Variants in BDP1 observed in about 807,000 individuals in gnomAD.
BDP1 encodes BDP1 general transcription factor IIIB subunit, also known as transcription factor TFIIIB component B'' homolog.
A neutral mutation model predicts 266.6 loss-of-function variants in BDP1; 169 were observed. The ratio of observed to expected loss-of-function variants is 0.63; its 90% CI spans 0.56 to 0.72. The LOEUF (loss-of-function observed/expected upper bound fraction) is 0.72, where lower values mean the gene tolerates loss of function less well. BDP1 is among the 30% of genes least tolerant of loss of function. BDP1 has a pLI of 0.00. For missense variants in BDP1, 3,015 were observed against 3,053.8 expected (o/e 0.99, Z 0.30); for synonymous variants, 1,090 against 1,022.4 (o/e 1.07, Z -1.26).
chr5:71,508,885 C>T (rs571575101), intron 16 of BDP1, among the ~76,000 whole-genome samples: 1 of 152,196 alleles, frequency 6.6e-6, no homozygotes, highest in Admixed American at 6.6e-5. Flanking sequence ...TTGGTCTGTC[C>T]TTTGATTCTT....
chr5:71,547,319 G>A (rs1742403820), intron 32 of BDP1, among the ~76,000 whole-genome samples: 1 of 152,110 alleles, frequency 6.6e-6, no homozygotes, highest in African/African-American at 2.4e-5. Flanking sequence ...CTGGCCTACA[G>A]TCTGGATTTC....
At chr5:71,487,408 A>AT (rs1318642385) in intron 9 of BDP1, among the ~76,000 whole-genome samples, 1 of 151,450 alleles carries the variant, frequency 6.6e-6, no homozygotes, top group Non-Finnish European at 1.5e-5. Flanking sequence ...CACCCGGCTA[A>AT]TTTTTTTTGT....
At position 71,566,023 on chromosome 5, in the gene BDP1, A is replaced by T. The variant is rs78511533; in HGVS notation, c.*1138A>T. The T allele has an allele frequency of 0.01, 2,304 of 221,244 alleles. 47 individuals carry two copies. The highest frequency in any genetic ancestry group is 0.051 in the African/African-American group (2,174 of 42,812). 13.7% of individuals were successfully genotyped at this position (221,244 alleles called of 1,614,324 possible). ...TTATGTTTGTCTCCTTTTTCTGTTT[A>T]ATTTTAAAGATATTTAAAATGATAT... On this transcript the variant is annotated 3_prime_UTR_variant, in exon 39 of 39. Transcript: ENST00000358731.
chr5:71,531,083 AT>A (rs1256007785), intron 25 of BDP1, among the ~76,000 whole-genome samples: 18 of 152,202 alleles, frequency 1.2e-4, no homozygotes, highest in Middle Eastern at 3.4e-3. Flanking sequence ...CAAAAAAAAA[AT>A]AACGTATGTC....
At chr5:71,559,737 A>G (rs1478817221) in intron 36 of BDP1, among the ~76,000 whole-genome samples, 2 of 152,172 alleles carry the variant, frequency 1.3e-5, no homozygotes, top group Non-Finnish European at 2.9e-5. Context: ...TTCTGGGAAA[A>G]TATTTTCTAG....
At chr5:71,473,103 T>G (rs1645763414) in intron 7 of BDP1, among the ~76,000 whole-genome samples, 2 of 151,618 alleles carry the variant, frequency 1.3e-5, no homozygotes, top group Non-Finnish European at 1.5e-5. Context: ...CAGGCTGGTC[T>G]GGGACTCCTG....
chr5:71,510,790 A>T lies in BDP1; in HGVS notation c.3698A>T (p.Glu1233Val). Residue 1233 changes from glutamate to valine, a missense_variant, in exon 17 of 39, where the codon GAA (glutamate) becomes GTA (valine). Transcript: ENST00000358731. ...METDLKEIRE[E>V]ISQREKVLAE... ...ACAGATTTGAAAGAAATTAGAGAAGAAATTTCCCAAAGGGAAAAGGTGCTA... is the reference window on the plus strand; with the variant it reads ...ACAGATTTGAAAGAAATTAGAGAAGTAATTTCCCAAAGGGAAAAGGTGCTA... 3 of 1,613,840 alleles carry T rather than the reference A, an allele frequency of 1.9e-6. No individual in the cohort carries two copies. The highest frequency in any genetic ancestry group is 2.5e-6 in the Non-Finnish European group (3 of 1,179,912).
chr5:71,570,180 C>T (rs1462047212), downstream of BDP1, among the ~76,000 whole-genome samples: 5 of 152,338 alleles, frequency 3.3e-5, no homozygotes, highest in East Asian at 9.6e-4. Flanking sequence ...ACTCTGAAAA[C>T]TGGATCACAG....
At chr5:71,553,357 T>A in intron 35 of BDP1, 37 bp downstream of exon 35, 1 of 1,370,976 alleles carries the variant, frequency 7.3e-7, no homozygotes, top group Non-Finnish European at 1.0e-6. Context: ...ATATGGCCAT[T>A]AAGTAAGATG....
intron 11 of BDP1, among the ~76,000 whole-genome samples, chr5:71,491,933 G>A (rs1302651960): frequency 6.6e-6 from 1 of 152,144 alleles, no homozygotes. Context: ...TGCTCAGGCT[G>A]GTCTTGAACT....
At chr5:71,474,201 C>T (rs1007681350) in intron 7 of BDP1, among the ~76,000 whole-genome samples, 9 of 151,894 alleles carry the variant, frequency 5.9e-5, no homozygotes, top group South Asian at 2.1e-4. Context: ...AGGGTGGTCT[C>T]GATCTCCTGA....
chr5:71,526,241 A>G (rs1259730473), intron 25 of BDP1, among the ~76,000 whole-genome samples: 1 of 151,906 alleles, frequency 6.6e-6, no homozygotes, highest in Non-Finnish European at 1.5e-5. Flanking sequence ...GCTGGAGACC[A>G]GCCCAGCCAA....
intron 26 of BDP1, chr5:71,537,991 C>T (rs1766740553): frequency 6.6e-6 from 1 of 152,218 alleles, no homozygotes; most frequent in South Asian, 2.1e-4. Context: ...CATAAACGTC[C>T]TTTACCAGGC....
At chr5:71,564,132 A>G (rs1266933786) in intron 38 of BDP1, among the ~76,000 whole-genome samples, 1 of 152,080 alleles carries the variant, frequency 6.6e-6, no homozygotes, top group Admixed American at 6.6e-5. Context: ...ACTGTTTTTG[A>G]TATGGCACTT....
chr5:71,518,029 G>GT (rs1293290048), intron 22 of BDP1, among the ~76,000 whole-genome samples: 1 of 152,178 alleles, frequency 6.6e-6, no homozygotes, highest in Non-Finnish European at 1.5e-5. Flanking sequence ...AAGCCAAATG[G>GT]TAAGAATGAT....
intron 2 of BDP1, among the ~76,000 whole-genome samples, chr5:71,461,184 A>G (rs1269191370): frequency 6.6e-6 from 1 of 151,936 alleles, no homozygotes; most frequent in African/African-American, 2.4e-5. Context: ...GGTCTCATTT[A>G]TGTTGCCCAG....
rs759761156 is a variant in BDP1 at position 71,560,095 on chromosome 5, C to T, written c.7354C>T (p.Pro2452Ser). 6.2e-7 allele frequency: 1 copy of T among 1,613,242 alleles called. No homozygotes were observed. The highest frequency in any genetic ancestry group is 1.1e-5 in the South Asian group (1 of 91,074). The change falls in exon 37 of 39, where the codon CCT (proline) becomes TCT (serine). Residue 2452 changes from proline (P) to serine (S), a missense_variant. By Grantham distance (74) the Pro-to-Ser change is moderately conservative. This residue lies in a region of BDP1 where 629 missense variants were observed against 632.5 expected (regional missense o/e 0.99). Coordinates refer to ENST00000358731, the MANE Select transcript of BDP1 (RefSeq NM_018429.3). Reference protein sequence around the residue: ...AAFQSRGSRSPDACMDKNVPQ... With the variant: ...AAFQSRGSRSSDACMDKNVPQ... ...TTTTCAGAGTAGAGGATCTAGATCT[C>T]CTGATGCATGCATGGACAAGAATGT...
intron 34 of BDP1, among the ~76,000 whole-genome samples, chr5:71,552,145 G>GGAT (rs1742838805): frequency 6.8e-6 from 1 of 147,810 alleles, no homozygotes; most frequent in Non-Finnish European, 1.5e-5. Context: ...TTCTCAGATG[G>GGAT]GGCAGCCGGG....
rs980631207 is a variant in BDP1 at position 71,463,951 on chromosome 5, T to C, written c.600-107T>C. On this transcript the variant is annotated intron_variant, in intron 3 of 38. Transcript: ENST00000358731. ...CTGTCATTAACGAAATGCTGTGATA[T>C]ATCATTAAAAATTAGAAGTTAGAAT... The C allele has an allele frequency of 1.5e-5, 10 of 665,028 alleles. No individual in the cohort carries two copies. In the African/African-American group the frequency reaches 1.8e-4, roughly 12 times the overall value. 41.2% of individuals were successfully genotyped at this position (665,028 alleles called of 1,614,324 possible). A position where few individuals can be genotyped will look rare whatever the true frequency, so the allele number is the denominator to read the frequency against.
Sources: gnomAD v4.1 joint callset for allele counts (sites outside exome capture counted in the v4.1 genomes callset) on GRCh38, gnomAD v4.1.1 for gene constraint, gnomAD v4.1.1 regional missense constraint, MANE v1.5 for transcripts, NCBI Gene and HGNC (gene_info 2026-07-23, HGNC 2026-07-21) for gene names.